CSMD3: variants seen among roughly 807,000 people sequenced by gnomAD.
The protein encoded by CSMD3 is CUB and sushi domain-containing protein 3.
CSMD3 carries 177 observed loss-of-function variants against 435.2 expected under a neutral mutation model. The ratio of observed to expected loss-of-function variants is 0.41; its 90% CI spans 0.36 to 0.46. CSMD3 has a LOEUF of 0.46. CSMD3 is among the 20% of genes least tolerant of loss of function. The pLI is 0.34. For missense variants in CSMD3, 4,265 were observed against 4,504.6 expected, an observed-to-expected ratio of 0.95 and a Z score of 1.52; for synonymous variants, 1,656 against 1,520.5, an observed-to-expected ratio of 1.09 and a Z score of -2.07.
intron 13 of CSMD3, among the ~76,000 whole-genome samples, chr8:112,758,101 T>A (rs1297070956): frequency 1.3e-5 from 2 of 152,018 alleles, no homozygotes; most frequent in Non-Finnish European, 2.9e-5. Flanking sequence ...ACGCCTGTAA[T>A]CCCAGCACTT....
intron 32 of CSMD3, among the ~76,000 whole-genome samples, chr8:112,455,854 C>A (rs1466021804): frequency 1.3e-5 from 2 of 151,444 alleles, no homozygotes; most frequent in African/African-American, 2.4e-5. Context: ...GTAGATGATG[C>A]AAGCTGGGAT....
At chr8:112,838,070 C>A (rs1022860616) in intron 11 of CSMD3, among the ~76,000 whole-genome samples, 1 of 151,484 alleles carries the variant, frequency 6.6e-6, no homozygotes, top group African/African-American at 2.4e-5. Context: ...TATAGACACA[C>A]TGGGTTATAT....
intron 3 of CSMD3, among the ~76,000 whole-genome samples, chr8:113,182,248 A>T (rs2092431707): frequency 6.6e-6 from 1 of 152,078 alleles, no homozygotes. Flanking sequence ...AAGGAAGACT[A>T]TTTTATGAAA....
chr8:113,122,292 A>C (rs2091006873), intron 4 of CSMD3, among the ~76,000 whole-genome samples: 1 of 152,122 alleles, frequency 6.6e-6, no homozygotes, highest in African/African-American at 2.4e-5. Flanking sequence ...TTGTTAATAA[A>C]CGTGCCCCAA....
rs111682541 is a variant in CSMD3 at position 112,996,045 on chromosome 8, G to T, written c.1031-19897C>A. On this transcript the variant is annotated intron_variant, in intron 6 of 70. Coordinates refer to ENST00000297405, the MANE Select transcript of CSMD3 (RefSeq NM_198123.2). ...ATGATGTTTTGAAATATGTATGTAT[G>T]GTGGAATGGCTAAGTTAAGCTAATT... 6.6e-3 allele frequency among the ~76,000 whole-genome samples: 1,006 copies of T among 151,348 alleles called. 12 individuals carry two copies. Among genetic ancestry groups the T allele is most frequent in the African/African-American group, 0.023 (964 of 41,406 alleles).
At chr8:113,399,453 T>A (rs1027989629) in intron 1 of CSMD3, among the ~76,000 whole-genome samples, 3 of 151,834 alleles carry the variant, frequency 2.0e-5, no homozygotes, top group Non-Finnish European at 2.9e-5. Flanking sequence ...TAAATAAATG[T>A]TATTTGCCAC....
intron 2 of CSMD3, among the ~76,000 whole-genome samples, chr8:113,299,318 C>A (rs148341381): frequency 2.0e-5 from 3 of 151,810 alleles, no homozygotes; most frequent in Non-Finnish European, 2.9e-5. Flanking sequence ...TTTTGCTGCT[C>A]ATGCTTATTT....
At chr8:113,313,009 T>G (rs1351785056) in intron 2 of CSMD3, 13 of 152,206 alleles carry the variant, frequency 8.5e-5, no homozygotes, top group Non-Finnish European at 2.9e-5. Context: ...ACAAAGTTTG[T>G]GAAATAACTC....
At chr8:112,281,586 G>A (rs1818648668) in intron 58 of CSMD3, among the ~76,000 whole-genome samples, 1 of 152,052 alleles carries the variant, frequency 6.6e-6, no homozygotes, top group South Asian at 2.1e-4. Context: ...AGCAGCTTCA[G>A]TAAAAACTCT....
In CSMD3 at chr8:112,313,774, AT is replaced by A. The variant is rs1586741659; in HGVS notation, c.7696+131del. 8.8e-6 allele frequency: 6 copies of A among 683,000 alleles called. No individual in the cohort carries two copies. In the East Asian group the frequency reaches 1.5e-4, roughly 18 times the overall value. 42.3% of individuals were successfully genotyped at this position (683,000 alleles called of 1,614,324 possible). A position where few individuals can be genotyped will look rare whatever the true frequency, so the allele number is the denominator to read the frequency against. ...AATAGGAAATAGAGAGGTTACATAA[AT>A]TGTCCAGGAACCATCAATGGAGGAG... On this transcript the variant is annotated intron_variant, in intron 49 of 70. Coordinates refer to ENST00000297405, the MANE Select transcript of CSMD3 (RefSeq NM_198123.2).
chr8:112,573,419 C>T (rs1201785891), intron 24 of CSMD3, 82 bp downstream of exon 24: 3 of 1,120,984 alleles, frequency 2.7e-6, no homozygotes, highest in African/African-American at 3.1e-5. Context: ...TATTGGATAT[C>T]ATTTCAATTT....
intron 50 of CSMD3, among the ~76,000 whole-genome samples, chr8:112,306,958 C>T (rs1392400266): frequency 6.6e-6 from 1 of 151,448 alleles, no homozygotes; most frequent in Non-Finnish European, 1.5e-5. Context: ...TTTTAAAAGG[C>T]TACAGAAAAA....
At chr8:112,776,826 ATCCTTGGGTAAG>A (rs2078258759) in intron 13 of CSMD3, among the ~76,000 whole-genome samples, 2 of 151,760 alleles carry the variant, frequency 1.3e-5, no homozygotes, top group African/African-American at 4.8e-5. Context: ...TGAGAAACAC[ATCCTTGGGTAAG>A]GAATTTTAGT....
At position 112,346,194 on chromosome 8, in the gene CSMD3, C is replaced by A; in HGVS notation, c.6345G>T (p.Met2115Ile). Residue 2115 changes from methionine to isoleucine, a missense_variant, in exon 41 of 71, where the codon ATG (methionine) becomes ATT (isoleucine). Met to Ile is a conservative substitution (Grantham distance 10, BLOSUM62 1). Coordinates refer to ENST00000297405, the MANE Select transcript of CSMD3 (RefSeq NM_198123.2). Reference sequence around the variant, plus strand: ...TGAGGATCACACCACTGAAGTCTGACATAGCACCACCACACTGAGCTGCAA... The same window carrying A: ...TGAGGATCACACCACTGAAGTCTGAAATAGCACCACCACACTGAGCTGCAA... ...PICLAQCGGAMSDFSGVILSP... is the reference protein window; with the variant it reads ...PICLAQCGGAISDFSGVILSP... The A allele has an allele frequency of 6.2e-7, 1 of 1,610,822 alleles. No homozygotes were observed. The highest frequency in any genetic ancestry group is 8.5e-7 in the Non-Finnish European group (1 of 1,177,024).
intron 1 of CSMD3, among the ~76,000 whole-genome samples, chr8:113,371,512 A>C (rs2094345955): frequency 6.6e-6 from 1 of 152,142 alleles, no homozygotes; most frequent in South Asian, 2.1e-4. Flanking sequence ...TTTATATTTT[A>C]TCCAAATTAA....
chr8:112,320,066 G>T, intron 45 of CSMD3, 85 bp from the exon 46 acceptor site: 1 of 849,986 alleles, frequency 1.2e-6, no homozygotes, highest in Non-Finnish European at 2.0e-6. Context: ...ATTATGGAAA[G>T]TTGTTTAAAA....
At chr8:112,971,298 C>T (rs1435827259) in intron 7 of CSMD3, among the ~76,000 whole-genome samples, 1 of 152,088 alleles carries the variant, frequency 6.6e-6, no homozygotes, top group African/African-American at 2.4e-5. Context: ...ATGAAAATAA[C>T]AACCATCCTA....
chr8:112,645,440 C>T (rs2074954649), intron 19 of CSMD3, among the ~76,000 whole-genome samples: 1 of 152,110 alleles, frequency 6.6e-6, no homozygotes, highest in Non-Finnish European at 1.5e-5. Context: ...CTCAACTTTC[C>T]AAGTTTGAAT....
At chr8:112,495,649 C>T (rs1489224624) in intron 30 of CSMD3, among the ~76,000 whole-genome samples, 1 of 151,998 alleles carries the variant, frequency 6.6e-6, no homozygotes, top group Non-Finnish European at 1.5e-5. Flanking sequence ...CTGGAGAATA[C>T]TTAAAAAAAT....
Sources: allele counts gnomAD v4.1 joint callset (sites outside exome capture counted in the v4.1 genomes callset), GRCh38; gene constraint gnomAD v4.1.1; transcripts MANE v1.5; gene names NCBI Gene and HGNC (gene_info 2026-07-23, HGNC 2026-07-21).